The following LRP1B variants were observed in gnomAD, a reference collection of about 807,000 sequenced individuals.
LRP1B encodes the protein LDL receptor related protein 1B, also known as low-density lipoprotein receptor-related protein 1B.
A neutral mutation model predicts 556.6 loss-of-function variants in LRP1B; 217 were observed. The ratio of observed to expected loss-of-function variants is 0.39; its 90% CI spans 0.35 to 0.44. LRP1B has a LOEUF of 0.44. Among genes scored for constraint, LRP1B ranks in the 20% least tolerant of loss-of-function variants. LRP1B has a pLI of 1.00. For missense variants in LRP1B, 5,053 were observed against 5,620.8 expected (o/e 0.90, Z 3.23); for synonymous variants, 2,047 against 1,865.8 (o/e 1.10, Z -2.50).
intron 3 of LRP1B, among the ~76,000 whole-genome samples, chr2:141,413,448 G>T (rs578203798): frequency 6.6e-6 from 1 of 152,222 alleles, no homozygotes; most frequent in Non-Finnish European, 1.5e-5. Flanking sequence ...GCTGAAAAAG[G>T]CAAGGAAACA....
At chr2:141,054,478 T>G in intron 10 of LRP1B, among the ~76,000 whole-genome samples, 1 of 152,194 alleles carries the variant, frequency 6.6e-6, no homozygotes, top group Non-Finnish European at 1.5e-5. Context: ...AAGTCATTTT[T>G]AAAATCCTTT....
intron 2 of LRP1B, among the ~76,000 whole-genome samples, chr2:141,533,757 G>T (rs1258083920): frequency 6.6e-6 from 1 of 152,068 alleles, no homozygotes; most frequent in Non-Finnish European, 1.5e-5. Context: ...CAATGCACAG[G>T]TCTAAGGGTT....
intron 59 of LRP1B, among the ~76,000 whole-genome samples, chr2:140,480,665 T>C (rs987230567): frequency 6.6e-6 from 1 of 152,042 alleles, no homozygotes; most frequent in Admixed American, 6.6e-5. Context: ...GGTCCCGAAC[T>C]CCTAACCTCA....
At chr2:141,111,512 G>T (rs1249068679) in intron 7 of LRP1B, among the ~76,000 whole-genome samples, 1 of 152,132 alleles carries the variant, frequency 6.6e-6, no homozygotes, top group East Asian at 1.9e-4. Context: ...TCCCTCCTGT[G>T]TTTTGTGCAC....
At chr2:141,124,728 T>A (rs61230069) in intron 7 of LRP1B, among the ~76,000 whole-genome samples, 4 of 151,206 alleles carry the variant, frequency 2.6e-5, no homozygotes, top group Admixed American at 2.0e-4. Context: ...AACAATCTCA[T>A]TGAATCTCAA....
chr2:141,167,991 AT>A lies in LRP1B; in HGVS notation c.1013+20429del, dbSNP rs1680340339. 1.3e-5 allele frequency among the ~76,000 whole-genome samples: 2 copies of A among 152,082 alleles called. 1 individual carries two copies. Among genetic ancestry groups the A allele is most frequent in the South Asian group, 4.1e-4 (2 of 4,828 alleles). On this transcript the variant is annotated intron_variant, in intron 7 of 90. Transcript: ENST00000389484. ...AGATGATTCTTGACAAATAATAGAAATAAAAATGAAGATGTATCTATTAAAA... is the reference window on the plus strand; with the variant it reads ...AGATGATTCTTGACAAATAATAGAAAAAAAATGAAGATGTATCTATTAAAA...
intron 3 of LRP1B, among the ~76,000 whole-genome samples, chr2:141,456,147 C>T (rs13428558): frequency 0.2 from 30,454 of 152,220 alleles, 3,577 homozygotes; most frequent in East Asian, 0.44. Flanking sequence ...AGTACTATAG[C>T]GTTTTCCCTT....
intron 43 of LRP1B, among the ~76,000 whole-genome samples, chr2:140,549,645 T>A (rs1680472477): frequency 6.6e-6 from 1 of 152,166 alleles, no homozygotes; most frequent in Non-Finnish European, 1.5e-5. Flanking sequence ...TTTCCCTACT[T>A]TGCATCTGGT....
chr2:141,067,164 C>T (rs1574039083), intron 7 of LRP1B, among the ~76,000 whole-genome samples: 1 of 151,836 alleles, frequency 6.6e-6, no homozygotes, highest in Non-Finnish European at 1.5e-5. Flanking sequence ...TAATTTTCCA[C>T]ATTATATAGA....
intron 14 of LRP1B, among the ~76,000 whole-genome samples, chr2:141,011,689 G>T (rs185145994): frequency 6.6e-6 from 1 of 152,028 alleles, no homozygotes; most frequent in African/African-American, 2.4e-5. Context: ...AGTTGAAAAA[G>T]AATTTAGTAA....
chr2:141,995,475 A>G (rs1702466047), intron 1 of LRP1B, among the ~76,000 whole-genome samples: 1 of 152,024 alleles, frequency 6.6e-6, no homozygotes, highest in Non-Finnish European at 1.5e-5. Context: ...CACCTGGATA[A>G]TCATCTCCCT....
intron 3 of LRP1B, among the ~76,000 whole-genome samples, chr2:141,326,785 AC>A (rs1687445846): frequency 6.6e-6 from 1 of 152,194 alleles, no homozygotes; most frequent in Admixed American, 6.5e-5. Flanking sequence ...CTTGATGTAG[AC>A]CTGTTTGTGC....
At chr2:140,445,020 A>G (rs1686593154) in intron 63 of LRP1B, among the ~76,000 whole-genome samples, 2 of 152,140 alleles carry the variant, frequency 1.3e-5, no homozygotes, top group Admixed American at 6.5e-5. Flanking sequence ...TGTAACAAAA[A>G]CTGTTATTCC....
chr2:140,274,187 T>C (rs1234748404), intron 85 of LRP1B, among the ~76,000 whole-genome samples: 1 of 152,010 alleles, frequency 6.6e-6, no homozygotes, highest in African/African-American at 2.4e-5. Flanking sequence ...GGGAATGATA[T>C]GACCGTCTTA....
intron 41 of LRP1B, among the ~76,000 whole-genome samples, chr2:140,609,504 T>G (rs2105220849): frequency 6.6e-6 from 1 of 152,296 alleles, no homozygotes; most frequent in East Asian, 1.9e-4. Context: ...TCTTTGGGTA[T>G]CTCAATATCT....
chr2:140,349,553 T>C (rs1440988366), intron 77 of LRP1B, among the ~76,000 whole-genome samples: 2 of 152,040 alleles, frequency 1.3e-5, no homozygotes, highest in African/African-American at 4.8e-5. Flanking sequence ...ATATAGTTAA[T>C]ATACTAATAT....
Position 140,325,820 on chromosome 2 carries a change from G to T in LRP1B, c.12282C>A (p.Ile4094=). The T allele has an allele frequency of 6.2e-7, 1 of 1,613,184 alleles. No homozygotes were observed. Among genetic ancestry groups the T allele is most frequent in the Non-Finnish European group, 8.5e-7 (1 of 1,179,562 alleles). Residue 4094 remains isoleucine (I), a synonymous_variant, in exon 80 of 91, where the codon ATC becomes ATA. Coordinates refer to ENST00000389484, the MANE Select transcript of LRP1B (RefSeq NM_018557.3). ...AGCCATCATACAGAACACTGCCAAT[G>T]ATGGAGAGCTCAAAGTCAGCCCAAT... is the stretch of plus-strand genomic sequence containing the variant. The part of the protein sequence containing the change: ...RIYWADFELS[I]IGSVLYDGSN...
intron 1 of LRP1B, among the ~76,000 whole-genome samples, chr2:141,971,406 C>T (rs1425709376): frequency 2.0e-5 from 3 of 151,470 alleles, no homozygotes; most frequent in East Asian, 1.9e-4. Flanking sequence ...TGTCTTCGTA[C>T]ACCCTTTGTT....
intron 32 of LRP1B, among the ~76,000 whole-genome samples, chr2:140,789,881 C>T (rs552245025): frequency 7.0e-4 from 106 of 151,920 alleles, no homozygotes; most frequent in African/African-American, 2.5e-3. Flanking sequence ...CCGCCCGCCT[C>T]GGCCTCCCAA....
Sources: gnomAD v4.1 joint callset for allele counts (sites outside exome capture counted in the v4.1 genomes callset) on GRCh38, gnomAD v4.1.1 for gene constraint, MANE v1.5 for transcripts, NCBI Gene and HGNC (gene_info 2026-07-23, HGNC 2026-07-21) for gene names.